PDE3B: variants seen among roughly 807,000 people sequenced by gnomAD.
The protein encoded by PDE3B is phosphodiesterase 3B.
In PDE3B, 66 loss-of-function variants were observed where a neutral mutation model predicts 116.8. That is an observed-to-expected ratio of 0.56 (90% CI 0.46 to 0.69). PDE3B has a LOEUF of 0.69. PDE3B is among the 30% of genes least tolerant of loss of function. The pLI, the probability that PDE3B is intolerant of heterozygous loss-of-function variation, is 0.00. For synonymous variants in PDE3B, 595 were observed against 533.6 expected (o/e 1.12, Z -1.59); for missense variants, 1,384 against 1,368.1 (o/e 1.01, Z -0.18).
chr11:14,651,737 A>G (rs2133748619), intron 1 of PDE3B, among the ~76,000 whole-genome samples: 1 of 152,324 alleles, frequency 6.6e-6, no homozygotes, highest in South Asian at 2.1e-4. Flanking sequence ...ATATCCAGTC[A>G]TGCCAACACA....
rs868731050 is a variant in PDE3B at position 14,847,350 on chromosome 11, G to T, written c.2520+3324G>T. Among the ~76,000 whole-genome samples, 98 of 151,256 alleles carry T rather than the reference G, an allele frequency of 6.5e-4. No homozygotes were observed. The South Asian group carries it at 0.014, about 22-fold the overall frequency. ...GGACACATTCAAAGCAGTGTGTAGA[G>T]GGAAATTTATAGCACTAAATGCCCA... On this transcript the variant is annotated intron_variant, in intron 12 of 15. Transcript: ENST00000282096.
intron 1 of PDE3B, among the ~76,000 whole-genome samples, chr11:14,657,662 C>T (rs1466701619): frequency 1.3e-5 from 2 of 152,172 alleles, no homozygotes; most frequent in Admixed American, 1.3e-4. Context: ...AAACTCATTT[C>T]TTCAGCAGCA....
intron 5 of PDE3B, among the ~76,000 whole-genome samples, chr11:14,808,812 G>C (rs973966538): frequency 6.6e-6 from 1 of 152,110 alleles, no homozygotes; most frequent in East Asian, 1.9e-4. Context: ...TAGCAAAATA[G>C]TACAAGACTT....
At chr11:14,883,223 C>T in the PDE3B span, among the ~76,000 whole-genome samples, 1 of 151,378 alleles carries the variant, frequency 6.6e-6, no homozygotes, top group African/African-American at 2.4e-5. Context: ...CCTGCATCGC[C>T]AAGTCAATCC....
Position 14,761,058 on chromosome 11 carries a change from A to G in PDE3B, c.979-10879A>G, listed in dbSNP as rs117472851. ...TGTCTTGTGTTCAAGAATTAGCACAATTTATCATTGTGCTAGACTCTTTAA... is the reference window on the plus strand; with the variant it reads ...TGTCTTGTGTTCAAGAATTAGCACAGTTTATCATTGTGCTAGACTCTTTAA... On this transcript the variant is annotated intron_variant, in intron 1 of 15. Coordinates refer to ENST00000282096, the MANE Select transcript of PDE3B (RefSeq NM_000922.4). Among the ~76,000 whole-genome samples the G allele has an allele frequency of 3.0e-3, 459 of 152,214 alleles. 2 individuals carry two copies. Among genetic ancestry groups the G allele is most frequent in the Middle Eastern group, 0.017 (5 of 294 alleles).
chr11:14,890,478 G>T, the PDE3B span: 1 of 970,198 alleles, frequency 1.0e-6, no homozygotes. Flanking sequence ...AACTATTCGT[G>T]AACCATGAAA....
the PDE3B span, among the ~76,000 whole-genome samples, chr11:14,878,715 A>C: frequency 6.6e-6 from 1 of 152,136 alleles, no homozygotes; most frequent in Non-Finnish European, 1.5e-5. Context: ...TTCACAGAAG[A>C]AGCAATATTT....
the PDE3B span, among the ~76,000 whole-genome samples, chr11:14,889,301 A>G: frequency 1.3e-5 from 2 of 152,206 alleles, no homozygotes; most frequent in Non-Finnish European, 2.9e-5. Flanking sequence ...CAACCTCCAA[A>G]AAAAGGTATA....
chr11:14,700,322 TTAG>T (rs1319376080), intron 1 of PDE3B, among the ~76,000 whole-genome samples: 1 of 151,762 alleles, frequency 6.6e-6, no homozygotes, highest in African/African-American at 2.4e-5. Context: ...GATCAGTATA[TTAG>T]TAGAATTAGA....
Position 14,644,876 on chromosome 11 carries a change from T to C in PDE3B, c.801T>C (p.Phe267=). ...TGGCCCTGGGGTTGGATCACTTCTT[T>C]CAAATCAGGGAAGCGCCTCTTCATC... is the stretch of plus-strand genomic sequence containing the variant. The part of the protein sequence containing the change: ...CLLALGLDHF[F]QIREAPLHPR... Residue 267 remains phenylalanine, a synonymous_variant, in exon 1 of 16, where the codon TTT becomes TTC. Coordinates refer to ENST00000282096, the MANE Select transcript of PDE3B (RefSeq NM_000922.4). 6.2e-7 allele frequency: 1 copy of C among 1,613,932 alleles called. No individual in the cohort carries two copies. The highest frequency in any genetic ancestry group is 1.1e-5 in the South Asian group (1 of 91,078).
intron 4 of PDE3B, among the ~76,000 whole-genome samples, chr11:14,802,061 G>A (rs1309883329): frequency 6.6e-6 from 1 of 152,232 alleles, no homozygotes; most frequent in Non-Finnish European, 1.5e-5. Context: ...ATCTTAGTTT[G>A]CTGGGCTCTG....
chr11:14,805,283 T>C (rs1417718716), intron 5 of PDE3B, among the ~76,000 whole-genome samples: 1 of 152,154 alleles, frequency 6.6e-6, no homozygotes, highest in African/African-American at 2.4e-5. Context: ...AATAATGATA[T>C]TGACAGTGAC....
intron 11 of PDE3B, among the ~76,000 whole-genome samples, chr11:14,843,479 TATATC>T (rs139100170): frequency 0.013 from 1,973 of 152,310 alleles, 33 homozygotes; most frequent in African/African-American, 0.044. Context: ...CTTTTTCTGT[TATATC>T]ATATATCCTG....
At chr11:14,729,264 G>A (rs1002612615) in intron 1 of PDE3B, among the ~76,000 whole-genome samples, 1 of 152,208 alleles carries the variant, frequency 6.6e-6, no homozygotes, top group South Asian at 2.1e-4. Context: ...CAGATAAAAT[G>A]ACAGTAATGT....
chr11:14,880,413 T>C, the PDE3B span: 3 of 1,613,286 alleles, frequency 1.9e-6, no homozygotes, highest in East Asian at 2.2e-5. Flanking sequence ...GTTGATGTTT[T>C]CCAAAAGGCA....
In PDE3B at chr11:14,871,427, AT is replaced by A. The variant is rs1400616110; in HGVS notation, c.*1768del. On this transcript the variant is annotated 3_prime_UTR_variant, in exon 16 of 16. Transcript: ENST00000282096. ...TATATTTCTCTAGAGTACATTTTCCATCATGTTTAAGTGTATTTCTGCTATT... is the reference window on the plus strand; with the variant it reads ...TATATTTCTCTAGAGTACATTTTCCACATGTTTAAGTGTATTTCTGCTATT... 6.6e-6 allele frequency: 1 copy of A among 152,060 alleles called. No individual in the cohort carries two copies. The highest frequency in any genetic ancestry group is 1.5e-5 in the Non-Finnish European group (1 of 67,996). The allele number at this position is 152,060 out of a possible 1,614,324, so 9.4% of individuals were successfully genotyped here. A position where few individuals can be genotyped will look rare whatever the true frequency, so the allele number is the denominator to read the frequency against.
the PDE3B span, chr11:14,880,032 G>A: frequency 5.0e-5 from 56 of 1,127,036 alleles, no homozygotes; most frequent in South Asian, 4.7e-4. Context: ...GGCTGGCATC[G>A]CAGGAGTTCC....
At chr11:14,668,260 C>T (rs1854246730) in intron 1 of PDE3B, among the ~76,000 whole-genome samples, 1 of 152,100 alleles carries the variant, frequency 6.6e-6, no homozygotes, top group South Asian at 2.1e-4. Flanking sequence ...CCAAGAAATA[C>T]ATGTGGGCCT....
chr11:14,757,091 T>C (rs1490601482), intron 1 of PDE3B, among the ~76,000 whole-genome samples: 1 of 152,030 alleles, frequency 6.6e-6, no homozygotes, highest in Non-Finnish European at 1.5e-5. Context: ...CTGAGAATGA[T>C]GATTTCCAGT....
Sources: gnomAD v4.1 joint callset for allele counts (sites outside exome capture counted in the v4.1 genomes callset) on GRCh38, gnomAD v4.1.1 for gene constraint, MANE v1.5 for transcripts, NCBI Gene and HGNC (gene_info 2026-07-23, HGNC 2026-07-21) for gene names.